The following POLQ variants were observed in gnomAD, a reference collection of about 807,000 sequenced individuals.
POLQ encodes epididymis secretory sperm binding protein.
In POLQ, 233 loss-of-function variants were observed where a neutral mutation model predicts 259.2. The observed-to-expected ratio is 0.90, with a 90% confidence interval of 0.81 to 1.00. The LOEUF (loss-of-function observed/expected upper bound fraction) is 1.00. Ranked by LOEUF, POLQ falls within the 50% of genes least tolerant of loss-of-function variation. The pLI is 0.00. For missense variants in POLQ, 2,871 were observed against 3,051.6 expected (o/e 0.94, Z 1.39); for synonymous variants, 1,025 against 1,048.8 (o/e 0.98, Z 0.44).
At chr3:121,484,160 C>T (rs2047992231) in intron 17 of POLQ, among the ~76,000 whole-genome samples, 1 of 152,078 alleles carries the variant, frequency 6.6e-6, no homozygotes, top group African/African-American at 2.4e-5. Context: ...TTCATGCTTA[C>T]TAAGGAACAG....
At position 121,489,688 on chromosome 3, in the gene POLQ, C is replaced by T. The variant is rs774281316; in HGVS notation, c.3243G>A (p.Pro1081=). ...CCGTTTTCTTCTCATCTAAGGTAAA[C>T]GGGTCTTCACAAAGACTAGGATTAG... The part of the protein sequence containing the change: ...TLSNPSLCED[P]FTLDEKKTEF... The change falls in exon 16 of 30, where the codon CCG becomes CCA. Residue 1081 remains proline, a synonymous_variant. Transcript: ENST00000264233. 43 of 1,613,558 alleles carry T rather than the reference C, an allele frequency of 2.7e-5. No individual in the cohort carries two copies. In the Middle Eastern group the frequency reaches 4.9e-4, roughly 19 times the overall value.
intron 26 of POLQ, among the ~76,000 whole-genome samples, chr3:121,448,094 T>C (rs1019024731): frequency 2.6e-5 from 4 of 152,176 alleles, no homozygotes; most frequent in Non-Finnish European, 5.9e-5. Context: ...TCCCTTTGAA[T>C]ACACTGTCTA....
intron 24 of POLQ, 133 bp from the exon 25 acceptor site, chr3:121,460,367 G>C: frequency 1.6e-6 from 1 of 630,940 alleles, no homozygotes; most frequent in Non-Finnish European, 2.8e-6. Context: ...CATGTCAAAA[G>C]TTAAAACCTT....
Position 121,489,549 on chromosome 3 carries a change from G to C in POLQ, c.3382C>G (p.Leu1128Val). The change falls in exon 16 of 30, where the codon CTA (leucine) becomes GTA (valine). Residue 1128 changes from leucine (L) to valine (V), a missense_variant. This residue lies in a region of POLQ where 2,080 missense variants were observed against 2,126.0 expected (regional missense o/e 0.98). Coordinates refer to ENST00000264233, the MANE Select transcript of POLQ (RefSeq NM_199420.4). ...IKQNCSWNIT[L>V]TNDNFVEHIV... The stretch of plus-strand genomic sequence containing the variant: ...TGCTCCACAAAATTATCATTAGTTA[G>C]TGTTATGTTCCATGAACAATTTTGC... The C allele has an allele frequency of 2.5e-6, 4 of 1,613,110 alleles. No individual in the cohort carries two copies. The highest frequency in any genetic ancestry group is 3.4e-6 in the Non-Finnish European group (4 of 1,179,542).
At chr3:121,441,539 T>A (rs955618732) in intron 26 of POLQ, among the ~76,000 whole-genome samples, 1 of 152,202 alleles carries the variant, frequency 6.6e-6, no homozygotes, top group Non-Finnish European at 1.5e-5. Context: ...TTTTTAAGAA[T>A]CATCAATATT....
chr3:121,433,036 A>G lies in POLQ; in HGVS notation c.7544-3T>C. 2 of 1,567,810 alleles carry G rather than the reference A, an allele frequency of 1.3e-6. No homozygotes were observed. Among genetic ancestry groups the G allele is most frequent in the Non-Finnish European group, 1.8e-6 (2 of 1,137,962 alleles). ...CAGTTTTCTCTTTCGTGACAATCCT[A>G]CTTCATGAAAAAGGAGCAAAACTGA... is the stretch of plus-strand genomic sequence containing the variant. On this transcript the variant is annotated splice_polypyrimidine_tract_variant and splice_region_variant and intron_variant, in intron 28 of 29. Transcript: ENST00000264233.
In POLQ at chr3:121,487,664, G is replaced by C. The variant is rs776018098; in HGVS notation, c.5267C>G (p.Pro1756Arg). The change falls in exon 16 of 30, where the codon CCT (proline) becomes CGT (arginine). Residue 1756 changes from proline to arginine, a missense_variant. Coordinates refer to ENST00000264233, the MANE Select transcript of POLQ (RefSeq NM_199420.4). ...ATTATTAGTTTTCCAAGGGTTTACAGGTGTTTCAAGAATCCCTGGAAATGT... is the reference window on the plus strand; with the variant it reads ...ATTATTAGTTTTCCAAGGGTTTACACGTGTTTCAAGAATCCCTGGAAATGT... ...KLTFPGILET[P>R]VNPWKTNNVL... is the part of the protein sequence containing the mutation. 6.2e-7 allele frequency: 1 copy of C among 1,613,698 alleles called. No individual in the cohort carries two copies. Among genetic ancestry groups the C allele is most frequent in the South Asian group, 1.1e-5 (1 of 91,068 alleles).
rs774508375 is a variant in POLQ at position 121,487,273 on chromosome 3, T to C, written c.5629+29A>G. ...CAGTCTACTAAGTAGTTTATAAATATGAAAAAATAAAATTAAAAAAATTCT... is the reference window on the plus strand; with the variant it reads ...CAGTCTACTAAGTAGTTTATAAATACGAAAAAATAAAATTAAAAAAATTCT... On this transcript the variant is annotated intron_variant, in intron 16 of 29. Coordinates refer to ENST00000264233, the MANE Select transcript of POLQ (RefSeq NM_199420.4). 4.1e-5 allele frequency: 52 copies of C among 1,263,704 alleles called. 1 individual carries two copies. The highest frequency in any genetic ancestry group is 5.2e-5 in the Non-Finnish European group (48 of 914,592). 78.3% of individuals were successfully genotyped at this position (1,263,704 alleles called of 1,614,324 possible).
chr3:121,521,135 A>C (rs906037530), intron 8 of POLQ, among the ~76,000 whole-genome samples: 10 of 152,108 alleles, frequency 6.6e-5, no homozygotes, highest in Admixed American at 1.3e-4. Flanking sequence ...TAGTTACCCA[A>C]AGTCAAAAAT....
intron 7 of POLQ, among the ~76,000 whole-genome samples, chr3:121,527,634 G>A (rs79782769): frequency 0.014 from 2,121 of 152,244 alleles, 52 homozygotes; most frequent in African/African-American, 0.049. Context: ...TAGTACTTAA[G>A]CTCGATGCAT....
chr3:121,487,387 C>CT lies in POLQ; in HGVS notation c.5543dup (p.Arg1849AlafsTer9), dbSNP rs768285104. 1.1e-5 allele frequency: 17 copies of CT among 1,613,558 alleles called. No homozygotes were observed. In the Admixed American group the frequency reaches 2.2e-4, roughly 21 times the overall value. On this transcript the variant is annotated frameshift_variant, in exon 16 of 30. Coordinates refer to ENST00000264233, the MANE Select transcript of POLQ (RefSeq NM_199420.4). LOFTEE classifies it high-confidence loss of function. ...CACAAGCCAGTGAGATGGAAAATCG[C>CT]TTTTTGCACCGCCACTCCTTAATGA...
Position 121,473,364 on chromosome 3 carries a change from A to G in POLQ, c.6529T>C (p.Phe2177Leu). ...NGRKLRLGRQ[F>L]STSKDVLNKL... ...CCAAAGAGCACCTTACTAGTGCTGA[A>G]CTGTCTTCCCAGCCTTAGCTTGCGT... The change falls in exon 21 of 30, where the codon TTC (phenylalanine) becomes CTC (leucine). Residue 2177 changes from phenylalanine (F) to leucine (L), a missense_variant. Coordinates refer to ENST00000264233, the MANE Select transcript of POLQ (RefSeq NM_199420.4). 6.2e-7 allele frequency: 1 copy of G among 1,613,876 alleles called. No individual in the cohort carries two copies. Among genetic ancestry groups the G allele is most frequent in the Non-Finnish European group, 8.5e-7 (1 of 1,179,900 alleles).
intron 2 of POLQ, among the ~76,000 whole-genome samples, chr3:121,541,715 A>G (rs2048491364): frequency 6.6e-6 from 1 of 152,226 alleles, no homozygotes; most frequent in Non-Finnish European, 1.5e-5. Context: ...TATGATGAAT[A>G]CTACTGAGTA....
In POLQ at chr3:121,436,248, C is replaced by A. The variant is rs1181531389; in HGVS notation, c.7417G>T (p.Val2473Phe). 1 of 1,613,852 alleles carries A rather than the reference C, an allele frequency of 6.2e-7. No individual in the cohort carries two copies. The change falls in exon 28 of 30, where the codon GTC (valine) becomes TTC (phenylalanine). Residue 2473 changes from valine (V) to phenylalanine (F), a missense_variant. Around this residue, in one of 3 missense-constraint regions of POLQ, gnomAD observed 2,080 missense variants for 2,126.0 expected, o/e 0.98. Transcript: ENST00000264233. The part of the protein sequence containing the change: ...HAERQAINTI[V>F]QGSAADIVKI... ...ACAATATCAGCTGCTGATCCTTGGACTATTGTGTTGATAGCTTGACGCTCA... is the reference window on the plus strand; with the variant it reads ...ACAATATCAGCTGCTGATCCTTGGAATATTGTGTTGATAGCTTGACGCTCA...
At chr3:121,503,065 T>A (rs2048184631) in intron 12 of POLQ, among the ~76,000 whole-genome samples, 1 of 152,244 alleles carries the variant, frequency 6.6e-6, no homozygotes, top group Non-Finnish European at 1.5e-5. Flanking sequence ...CATAAGATTA[T>A]AATGGAGCTG....
intron 12 of POLQ, among the ~76,000 whole-genome samples, chr3:121,505,462 G>A (rs2048201249): frequency 6.6e-6 from 1 of 152,084 alleles, no homozygotes; most frequent in South Asian, 2.1e-4. Context: ...TAAAACAGAG[G>A]CACTGGCACA....
intron 25 of POLQ, among the ~76,000 whole-genome samples, chr3:121,452,026 C>G (rs907586211): frequency 6.6e-6 from 1 of 152,182 alleles, no homozygotes; most frequent in Non-Finnish European, 1.5e-5. Flanking sequence ...CCTTGCAGTT[C>G]GATCTCAGAC....
At chr3:121,514,626 G>A (rs913035630) in intron 9 of POLQ, among the ~76,000 whole-genome samples, 1 of 151,974 alleles carries the variant, frequency 6.6e-6, no homozygotes, top group East Asian at 1.9e-4. Context: ...CTCCAGTCTC[G>A]CCTCACAGAG....
chr3:121,522,789 A>T (rs2048346771), intron 7 of POLQ, among the ~76,000 whole-genome samples: 2 of 152,116 alleles, frequency 1.3e-5, no homozygotes, highest in Admixed American at 1.3e-4. Flanking sequence ...GATCAAAGGA[A>T]CCTGCTGAGG....
Sources: gnomAD v4.1 joint callset for allele counts (sites outside exome capture counted in the v4.1 genomes callset) on GRCh38, gnomAD v4.1.1 for gene constraint, gnomAD v4.1.1 regional missense constraint, MANE v1.5 for transcripts, NCBI Gene and HGNC (gene_info 2026-07-23, HGNC 2026-07-21) for gene names.